Variants in TEC observed in about 807,000 individuals in gnomAD.
TEC encodes the protein tyrosine-protein kinase Tec.
Under a neutral mutation model 93.0 loss-of-function variants are expected in TEC, and 72 were observed. The observed-to-expected ratio is 0.77, with a 90% CI of 0.64 to 0.94. The LOEUF (loss-of-function observed/expected upper bound fraction) is 0.94, where lower values mean the gene tolerates loss of function less well. TEC is among the 40% of genes least tolerant of loss of function. The pLI, the probability that TEC is intolerant of heterozygous loss-of-function variation, is 0.00. For synonymous variants in TEC, 249 were observed against 247.7 expected, an observed-to-expected ratio of 1.01 and a Z score of -0.05; for missense variants, 630 against 757.9, an observed-to-expected ratio of 0.83 and a Z score of 1.98.
intron 8 of TEC, among the ~76,000 whole-genome samples, chr4:48,161,773 C>T (rs905050618): frequency 1.4e-4 from 22 of 152,056 alleles, no homozygotes; most frequent in African/African-American, 5.1e-4. Flanking sequence ...GCAGACCCAC[C>T]CTCAATCTGG....
chr4:48,217,141 T>A (rs572750368), intron 2 of TEC, among the ~76,000 whole-genome samples: 1 of 152,250 alleles, frequency 6.6e-6, no homozygotes, highest in East Asian at 1.9e-4. Context: ...TCTTGCCCTG[T>A]CACCCAGGTG....
intron 2 of TEC, among the ~76,000 whole-genome samples, chr4:48,186,912 G>A (rs1013679328): frequency 6.6e-6 from 1 of 152,114 alleles, no homozygotes; most frequent in African/African-American, 2.4e-5. Flanking sequence ...CTGCGTGGCC[G>A]CCACCCCATC....
intron 1 of TEC, among the ~76,000 whole-genome samples, chr4:48,258,846 G>C (rs181707378): frequency 2.6e-5 from 4 of 152,064 alleles, no homozygotes; most frequent in African/African-American, 9.6e-5. Context: ...TCTTTCAAAG[G>C]GAAAGACTCT....
chr4:48,221,342 T>G (rs1723254041), intron 2 of TEC, among the ~76,000 whole-genome samples: 2 of 152,186 alleles, frequency 1.3e-5, no homozygotes, highest in South Asian at 4.1e-4. Context: ...CTCCTGATAG[T>G]GGGTGAGTTC....
intron 2 of TEC, among the ~76,000 whole-genome samples, chr4:48,185,044 A>T (rs1331445463): frequency 6.6e-6 from 1 of 152,126 alleles, no homozygotes; most frequent in Non-Finnish European, 1.5e-5. Flanking sequence ...CATAATAGAG[A>T]CTTGAAAACA....
chr4:48,218,015 AGGAGTAAGTAAGACCCTT>A (rs1159334533), intron 2 of TEC, among the ~76,000 whole-genome samples: 2 of 152,166 alleles, frequency 1.3e-5, no homozygotes, highest in Admixed American at 1.3e-4. Context: ...GGCAAATTAA[AGGAGTAAGTAAGACCCTT>A]GGACTTCGGA....
chr4:48,222,406 A>G (rs1723296836), intron 2 of TEC, among the ~76,000 whole-genome samples: 2 of 152,210 alleles, frequency 1.3e-5, no homozygotes, highest in African/African-American at 4.8e-5. Flanking sequence ...TAGGGCAGTA[A>G]TCCACCTAAA....
intron 2 of TEC, among the ~76,000 whole-genome samples, chr4:48,179,356 ATATATATATATATATATATATT>A (rs1232913147): frequency 3.2e-4 from 11 of 34,486 alleles, no homozygotes; most frequent in Admixed American, 5.5e-4. Context: ...ATATATATAT[ATATATATATATATATATATATT>A]TTTTTTTTTT....
chr4:48,139,201 G>T lies in TEC; in HGVS notation c.1536-179C>A, dbSNP rs139449302. 2.8e-3 allele frequency among the ~76,000 whole-genome samples: 430 copies of T among 152,294 alleles called. 4 individuals carry two copies. The highest frequency in any genetic ancestry group is 1.0e-2 in the African/African-American group (415 of 41,556). ...CCTGGTGATTTCCAACTTCCTCTCA[G>T]CTTAATTTAAGTGCATGAGATGGAT... On this transcript the variant is annotated intron_variant, in intron 15 of 17. Transcript: ENST00000381501.
intron 2 of TEC, among the ~76,000 whole-genome samples, chr4:48,227,091 A>G (rs909904118): frequency 6.6e-6 from 1 of 152,174 alleles, no homozygotes; most frequent in African/African-American, 2.4e-5. Flanking sequence ...TTTTGTAACT[A>G]AGAGTTTTGA....
chr4:48,160,758 A>G (rs2109531268), intron 8 of TEC, among the ~76,000 whole-genome samples: 1 of 142,998 alleles, frequency 7.0e-6, no homozygotes, highest in African/African-American at 2.5e-5. Context: ...AGAAAGAAAG[A>G]AAGAAAAGAA....
chr4:48,257,041 C>G (rs1017604091), intron 1 of TEC, among the ~76,000 whole-genome samples: 15 of 151,822 alleles, frequency 9.9e-5, no homozygotes, highest in African/African-American at 3.6e-4. Context: ...AATTTTTTTT[C>G]CATTAATCAC....
chr4:48,265,890 T>G (rs1360043520), intron 1 of TEC, among the ~76,000 whole-genome samples: 2 of 152,088 alleles, frequency 1.3e-5, no homozygotes, highest in African/African-American at 4.8e-5. Context: ...ACACAATGCA[T>G]GAAAACAGAC....
chr4:48,206,830 G>C (rs1341616844), intron 2 of TEC, among the ~76,000 whole-genome samples: 2 of 150,930 alleles, frequency 1.3e-5, no homozygotes, highest in South Asian at 2.1e-4. Flanking sequence ...ACGGTGATAT[G>C]CACCTGTAGT....
At chr4:48,210,300 T>C (rs190333106) in intron 2 of TEC, among the ~76,000 whole-genome samples, 20 of 152,038 alleles carry the variant, frequency 1.3e-4, no homozygotes, top group Non-Finnish European at 2.2e-4. Flanking sequence ...CTAGGCAACA[T>C]AGCAAGACTC....
intron 2 of TEC, among the ~76,000 whole-genome samples, chr4:48,204,361 A>G (rs140788940): frequency 9.5e-4 from 145 of 152,206 alleles, no homozygotes; most frequent in African/African-American, 3.4e-3. Flanking sequence ...GCAACATCCC[A>G]CCTGTTGTCA....
chr4:48,233,277 T>C (rs1446715221), intron 1 of TEC, among the ~76,000 whole-genome samples: 3 of 151,370 alleles, frequency 2.0e-5, no homozygotes, highest in Non-Finnish European at 4.4e-5. Context: ...ACAGCCAGAC[T>C]ACCCTATAGT....
intron 2 of TEC, among the ~76,000 whole-genome samples, chr4:48,194,848 G>A (rs1219572655): frequency 6.6e-6 from 1 of 152,130 alleles, no homozygotes; most frequent in Non-Finnish European, 1.5e-5. Flanking sequence ...TTTAATGCGG[G>A]CCAATCACTG....
chr4:48,171,275 T>C, intron 4 of TEC, 93 bp downstream of exon 4: 1 of 968,348 alleles, frequency 1.0e-6, no homozygotes. Flanking sequence ...AGATTACAAA[T>C]GCAATAGATA....
Sources: allele counts gnomAD v4.1 joint callset (sites outside exome capture counted in the v4.1 genomes callset), GRCh38; gene constraint gnomAD v4.1.1; transcripts MANE v1.5; gene names NCBI Gene and HGNC (gene_info 2026-07-23, HGNC 2026-07-21).